Variants in SIL1 observed in about 807,000 individuals in gnomAD.
The protein encoded by SIL1 is nucleotide exchange factor SIL1.
Under a neutral mutation model 49.1 loss-of-function variants are expected in SIL1, and 40 were observed. The observed-to-expected ratio is 0.81, with a 90% CI of 0.63 to 1.06. SIL1 has a LOEUF of 1.06. SIL1 is among the 50% of genes least tolerant of loss of function. The pLI, the probability that SIL1 is intolerant of heterozygous loss-of-function variation, is 0.00. For missense variants in SIL1, 500 were observed against 572.6 expected, an observed-to-expected ratio of 0.87 and a Z score of 1.29; for synonymous variants, 253 against 250.8, an observed-to-expected ratio of 1.01 and a Z score of -0.08.
Position 139,136,015 on chromosome 5 carries a change from C to T in SIL1, c.-10-8162G>A, listed in dbSNP as rs149741934. On this transcript the variant is annotated intron_variant, in intron 1 of 9. Coordinates refer to ENST00000394817, the MANE Select transcript of SIL1 (RefSeq NM_022464.5). ...CTAGGAAGCAGAGGTTGCAGTGAGC[C>T]GAGATCATGCCTCTGCACTCTAGCC... 8.5e-3 allele frequency among the ~76,000 whole-genome samples: 1,287 copies of T among 152,104 alleles called. 21 individuals carry two copies. Among genetic ancestry groups the T allele is most frequent in the African/African-American group, 0.029 (1,216 of 41,492 alleles).
At chr5:138,974,375 C>G (rs367847193) in intron 7 of SIL1, among the ~76,000 whole-genome samples, 5 of 152,216 alleles carry the variant, frequency 3.3e-5, no homozygotes, top group African/African-American at 1.2e-4. Flanking sequence ...CTACAGCCTC[C>G]GCACTGCTCT....
At chr5:139,163,135 G>C (rs555905719) in intron 1 of SIL1, among the ~76,000 whole-genome samples, 1 of 152,068 alleles carries the variant, frequency 6.6e-6, no homozygotes, top group African/African-American at 2.4e-5. Flanking sequence ...AAGGCAGGCA[G>C]GGATCGGAAT....
chr5:139,172,432 G>A (rs1335440701), intron 1 of SIL1, among the ~76,000 whole-genome samples: 1 of 152,162 alleles, frequency 6.6e-6, no homozygotes, highest in African/African-American at 2.4e-5. Flanking sequence ...AGGAGTTCGA[G>A]ACCAGCCTAG....
chr5:139,109,930 G>T (rs1770806111), intron 3 of SIL1, among the ~76,000 whole-genome samples: 1 of 151,714 alleles, frequency 6.6e-6, no homozygotes, highest in African/African-American at 2.4e-5. Flanking sequence ...CAGCACTTTG[G>T]GAGGACAAGG....
intron 1 of SIL1, among the ~76,000 whole-genome samples, chr5:139,186,472 G>A (rs1752079509): frequency 6.6e-6 from 1 of 152,026 alleles, no homozygotes; most frequent in African/African-American, 2.4e-5. Flanking sequence ...CCACAAATAT[G>A]CTTTGGTAGT....
chr5:139,012,484 A>C (rs1473612991), intron 7 of SIL1: 1 of 152,090 alleles, frequency 6.6e-6, no homozygotes, highest in Non-Finnish European at 1.5e-5. Context: ...TTTACCCATA[A>C]ATTTTTCAGC....
chr5:139,141,483 A>C lies in SIL1; in HGVS notation c.-10-13630T>G, dbSNP rs61570710. On this transcript the variant is annotated intron_variant, in intron 1 of 9. Coordinates refer to ENST00000394817, the MANE Select transcript of SIL1 (RefSeq NM_022464.5). ...CAGCAAAGTAAGACTCTGTCTCTAC[A>C]AAAAAAAAAAAAAAATTTTTTTTTC... is the stretch of plus-strand genomic sequence containing the variant. Among the ~76,000 whole-genome samples, 1,042 of 141,478 alleles carry C rather than the reference A, an allele frequency of 7.4e-3. 9 individuals carry two copies. The highest frequency in any genetic ancestry group is 0.027 in the African/African-American group (997 of 37,344). The allele number at this position is 141,478 out of a possible 152,430, so 92.8% of individuals were successfully genotyped here. A position where few individuals can be genotyped will look rare whatever the true frequency, so the allele number is the denominator to read the frequency against.
intron 7 of SIL1, among the ~76,000 whole-genome samples, chr5:138,976,204 T>C (rs1356609768): frequency 6.6e-6 from 1 of 152,120 alleles, no homozygotes; most frequent in Non-Finnish European, 1.5e-5. Context: ...ACGATGCCCA[T>C]ACCTCTGCCT....
intron 5 of SIL1, among the ~76,000 whole-genome samples, chr5:139,028,929 C>T (rs1768724489): frequency 6.6e-6 from 1 of 152,218 alleles, no homozygotes; most frequent in African/African-American, 2.4e-5. Flanking sequence ...TACTCTCTTA[C>T]ATCCCTGTGC....
intron 3 of SIL1, among the ~76,000 whole-genome samples, chr5:139,053,111 G>A (rs1006650734): frequency 1.3e-5 from 2 of 152,158 alleles, no homozygotes; most frequent in African/African-American, 4.8e-5. Flanking sequence ...ATGTGTGAAG[G>A]GGAGAGGCTG....
chr5:139,152,002 G>A (rs1751309680), intron 1 of SIL1, among the ~76,000 whole-genome samples: 1 of 152,214 alleles, frequency 6.6e-6, no homozygotes, highest in African/African-American at 2.4e-5. Context: ...TAGAGAGCAT[G>A]GAGCAGAAGA....
chr5:138,993,168 TC>T (rs1767793235), intron 7 of SIL1, among the ~76,000 whole-genome samples: 1 of 152,188 alleles, frequency 6.6e-6, no homozygotes, highest in East Asian at 1.9e-4. Context: ...GCTTCTGGGA[TC>T]CCCTTAAGAG....
Position 138,948,113 on chromosome 5 carries a change from A to G in SIL1, c.1030-640T>C, listed in dbSNP as rs1766676519. ...AGTGTGCCTGTATGGAGAAAGAAGG[A>G]ATGCCTGCCCTAACTCCAGGGGAGA... On this transcript the variant is annotated intron_variant, in intron 9 of 9. Transcript: ENST00000394817. The surrounding 1 kb of genome is among the most constrained non-coding windows in gnomAD (Gnocchi z 4.8). 1.3e-5 allele frequency among the ~76,000 whole-genome samples: 2 copies of G among 152,190 alleles called. No homozygotes were observed. Among genetic ancestry groups the G allele is most frequent in the Admixed American group, 1.3e-4 (2 of 15,286 alleles).
At chr5:139,197,543 G>A (rs1173428732) in intron 1 of SIL1, among the ~76,000 whole-genome samples, 1 of 152,068 alleles carries the variant, frequency 6.6e-6, no homozygotes, top group African/African-American at 2.4e-5. Context: ...TAATTCCTCC[G>A]GTGCAAAGAA....
chr5:139,137,482 A>T, intron 1 of SIL1: 1 of 549,942 alleles, frequency 1.8e-6, no homozygotes. Context: ...GTTCTGCAAC[A>T]GTATAAATAA....
In SIL1 at chr5:138,990,747, C is replaced by T. The variant is rs80264181; in HGVS notation, c.767+30424G>A. On this transcript the variant is annotated intron_variant, in intron 7 of 9. Transcript: ENST00000394817. ...GGCCCCAGCTGGCTTTTCTTTTCTT[C>T]GTGACAGAGTCTTGCTGAAGTCCAG... 1.9e-3 allele frequency among the ~76,000 whole-genome samples: 291 copies of T among 152,226 alleles called. 1 individual carries two copies. The highest frequency in any genetic ancestry group is 2.8e-3 in the Non-Finnish European group (189 of 68,018).
rs190024454 is a variant in SIL1 at position 139,103,970 on chromosome 5, G to A, written c.244+17065C>T. ...AGAAATGGGAAGGAGAGCCCACAAA[G>A]GCCAAACTGGAAGAAAGAGGCTCAG... is the stretch of plus-strand genomic sequence containing the variant. On this transcript the variant is annotated intron_variant, in intron 3 of 9. Transcript: ENST00000394817. 7.2e-5 allele frequency among the ~76,000 whole-genome samples: 11 copies of A among 152,280 alleles called. No homozygotes were observed. In the East Asian group the frequency reaches 1.9e-3, roughly 27 times the overall value.
intron 1 of SIL1, among the ~76,000 whole-genome samples, chr5:139,169,513 A>C (rs1305080011): frequency 7.2e-6 from 1 of 139,098 alleles, no homozygotes; most frequent in Admixed American, 7.6e-5. Flanking sequence ...GTCTTGCTCT[A>C]TTGCCCAGGC....
chr5:139,096,720 C>T (rs192452918), intron 3 of SIL1, among the ~76,000 whole-genome samples: 3 of 152,066 alleles, frequency 2.0e-5, no homozygotes, highest in Non-Finnish European at 4.4e-5. Context: ...AGGGAACTTG[C>T]TGCCTTAAAG....
Sources: gnomAD v4.1 joint callset for allele counts (sites outside exome capture counted in the v4.1 genomes callset) on GRCh38, gnomAD v4.1.1 for gene constraint, Gnocchi (gnomAD v3.1) non-coding constraint, MANE v1.5 for transcripts, NCBI Gene and HGNC (gene_info 2026-07-23, HGNC 2026-07-21) for gene names.